Variants in PATJ observed in about 807,000 individuals in gnomAD.
PATJ encodes the protein PATJ crumbs cell polarity complex component.
Under a neutral mutation model 224.9 loss-of-function variants are expected in PATJ, and 190 were observed. The observed-to-expected ratio is 0.84, with a 90% CI of 0.75 to 0.95. The LOEUF (loss-of-function observed/expected upper bound fraction) is 0.95, where lower values mean the gene tolerates loss of function less well. PATJ is among the 40% of genes least tolerant of loss of function. PATJ has a pLI of 0.00. For missense variants in PATJ, 2,121 were observed against 2,270.3 expected (o/e 0.93, Z 1.34); for synonymous variants, 769 against 820.3 (o/e 0.94, Z 1.07).
intron 33 of PATJ, chr1:62,100,193 A>G: frequency 1.8e-6 from 1 of 541,192 alleles, no homozygotes; most frequent in East Asian, 2.9e-5. Flanking sequence ...TGTGATGGGT[A>G]TTTTGGTTGT....
intron 33 of PATJ, among the ~76,000 whole-genome samples, chr1:62,090,090 CAG>C (rs1267380628): frequency 3.3e-5 from 5 of 152,162 alleles, no homozygotes; most frequent in Non-Finnish European, 7.3e-5. Context: ...GGAGCCAAGA[CAG>C]ACGGTTTCTG....
Position 61,783,238 on chromosome 1 carries a change from G to T in PATJ, c.850-4516G>T, listed in dbSNP as rs1041996198. 3.3e-5 allele frequency among the ~76,000 whole-genome samples: 5 copies of T among 152,172 alleles called. No homozygotes were observed. In the East Asian group the frequency reaches 9.6e-4, roughly 29 times the overall value. On this transcript the variant is annotated intron_variant, in intron 7 of 43. Coordinates refer to ENST00000642238, the MANE Select transcript of PATJ (RefSeq NM_001350145.3). ...CTGGGAATTTGAGTAGGATAGGATAGTTTCTTTAATTCCTTTAGGGAAACA... is the reference window on the plus strand; with the variant it reads ...CTGGGAATTTGAGTAGGATAGGATATTTTCTTTAATTCCTTTAGGGAAACA...
At chr1:61,980,196 G>T (rs984267816) in intron 27 of PATJ, among the ~76,000 whole-genome samples, 1 of 151,918 alleles carries the variant, frequency 6.6e-6, no homozygotes, top group Non-Finnish European at 1.5e-5. Context: ...GAAGCTGGAG[G>T]ATTGCTTGAG....
At position 61,801,561 on chromosome 1, in the gene PATJ, A is replaced by G. The variant is rs1300997465; in HGVS notation, c.1403-62A>G. On this transcript the variant is annotated intron_variant, in intron 11 of 43. Transcript: ENST00000642238. ...ATCTGCTCACTTAAATATAGTCCTC[A>G]ACAACTAATAATTCAAGTTAGCATT... 6 of 1,046,338 alleles carry G rather than the reference A, an allele frequency of 5.7e-6. No homozygotes were observed. In the East Asian group the frequency reaches 1.6e-4, roughly 28 times the overall value. The allele number at this position is 1,046,338 out of a possible 1,614,324, so 64.8% of individuals were successfully genotyped here.
At chr1:61,993,030 T>A (rs576633676) in intron 28 of PATJ, among the ~76,000 whole-genome samples, 78 of 152,294 alleles carry the variant, frequency 5.1e-4, no homozygotes, top group African/African-American at 1.7e-3. Flanking sequence ...TGACACTAGG[T>A]ACCTGGAGAC....
chr1:61,991,869 A>T (rs1427994290), intron 28 of PATJ: 1 of 312,912 alleles, frequency 3.2e-6, no homozygotes, highest in African/African-American at 2.3e-5. Flanking sequence ...AAATGATGAA[A>T]GTTAGAGCCA....
chr1:61,975,691 G>T (rs1438734802), intron 27 of PATJ, among the ~76,000 whole-genome samples: 2 of 151,996 alleles, frequency 1.3e-5, no homozygotes, highest in Non-Finnish European at 2.9e-5. Flanking sequence ...AAGCATTTCA[G>T]TATCTCTGCC....
chr1:62,127,793 G>T (rs1263933358), intron 39 of PATJ, among the ~76,000 whole-genome samples, 179 bp from the exon 40 acceptor site: 1 of 151,932 alleles, frequency 6.6e-6, no homozygotes, highest in Non-Finnish European at 1.5e-5. Context: ...GATAACAAGA[G>T]CGAAACTGAA....
intron 27 of PATJ, among the ~76,000 whole-genome samples, chr1:61,971,675 A>C (rs947760760): frequency 6.6e-6 from 1 of 151,928 alleles, no homozygotes. Flanking sequence ...TGAAGCTGTT[A>C]AAAGAAATAT....
At chr1:62,056,832 A>G (rs1490264568) in intron 31 of PATJ, among the ~76,000 whole-genome samples, 1 of 152,020 alleles carries the variant, frequency 6.6e-6, no homozygotes, top group African/African-American at 2.4e-5. Context: ...AGGTTACTAC[A>G]CTTTGTTTTT....
chr1:62,055,269 G>C lies in PATJ; in HGVS notation c.4125+4211G>C, dbSNP rs191810137. 2.5e-3 allele frequency among the ~76,000 whole-genome samples: 380 copies of C among 152,264 alleles called. 3 individuals are homozygous for C. Among genetic ancestry groups the C allele is most frequent in the Middle Eastern group, 0.014 (4 of 294 alleles). ...CAGAAAGCCTCATGATGTCCTGGTA[G>C]CTTGCTGACATCGGAGCTCAAGATC... On this transcript the variant is annotated intron_variant, in intron 31 of 43. Transcript: ENST00000642238.
intron 33 of PATJ, among the ~76,000 whole-genome samples, chr1:62,102,708 A>G (rs912727232): frequency 2.6e-5 from 4 of 151,888 alleles, no homozygotes; most frequent in Admixed American, 6.6e-5. Context: ...CCGAAAAAGC[A>G]CAATTAGCCA....
At position 61,970,330 on chromosome 1, in the gene PATJ, A is replaced by G. The variant is rs184112408; in HGVS notation, c.3671-19838A>G. 1.3e-3 allele frequency among the ~76,000 whole-genome samples: 192 copies of G among 152,122 alleles called. 1 individual carries two copies. The highest frequency in any genetic ancestry group is 2.3e-3 in the Admixed American group (35 of 15,268). ...ACGGGCAACCTCTCCCACTATCAATATCCTGCACCTGAGTACATCTGTTAT... is the reference window on the plus strand; with the variant it reads ...ACGGGCAACCTCTCCCACTATCAATGTCCTGCACCTGAGTACATCTGTTAT... On this transcript the variant is annotated intron_variant, in intron 27 of 43. Coordinates refer to ENST00000642238, the MANE Select transcript of PATJ (RefSeq NM_001350145.3).
chr1:62,090,008 T>C (rs1289825873), intron 33 of PATJ, among the ~76,000 whole-genome samples: 2 of 152,176 alleles, frequency 1.3e-5, no homozygotes, highest in Non-Finnish European at 2.9e-5. Flanking sequence ...TTTTGCTGTC[T>C]TTAGAGGAGT....
chr1:62,055,170 C>A (rs2148611721), intron 31 of PATJ, among the ~76,000 whole-genome samples: 1 of 152,204 alleles, frequency 6.6e-6, no homozygotes, highest in Non-Finnish European at 1.5e-5. Flanking sequence ...TTATTTATCC[C>A]AGATTTATAG....
At chr1:61,940,671 A>G (rs1677679994) in intron 27 of PATJ, among the ~76,000 whole-genome samples, 1 of 151,326 alleles carries the variant, frequency 6.6e-6, no homozygotes, top group African/African-American at 2.4e-5. Context: ...ACCTGAGATC[A>G]TGCCATTGCA....
intron 22 of PATJ, among the ~76,000 whole-genome samples, chr1:61,894,274 A>C (rs12131949): frequency 0.64 from 94,269 of 147,184 alleles, 30,234 homozygotes; most frequent in East Asian, 0.71. Flanking sequence ...AAAAAACACA[A>C]AAAAAAAACA....
In PATJ at chr1:62,161,161, C is replaced by CTTTTTTTTTTTTTTTTT. The variant is rs1558254425; in HGVS notation, c.*109_*110insTTTTTTTTTTTTTTTTT. The CTTTTTTTTTTTTTTTTT allele has an allele frequency of 1.1e-6, 1 of 872,080 alleles. No homozygotes were observed. The highest frequency in any genetic ancestry group is 1.7e-5 in the African/African-American group (1 of 58,922). The allele number at this position is 872,080 out of a possible 1,614,324, so 54.0% of individuals were successfully genotyped here. A position where few individuals can be genotyped will look rare whatever the true frequency, so the allele number is the denominator to read the frequency against. On this transcript the variant is annotated 3_prime_UTR_variant, in exon 44 of 44. Coordinates refer to ENST00000642238, the MANE Select transcript of PATJ (RefSeq NM_001350145.3). The stretch of plus-strand genomic sequence containing the variant: ...CCCTCAACTAAAATGCACCTTCATT[C>CTTTTTTTTTTTTTTTTT]TTATTTCTTGCCCTCTCTGCTCAGG...
intron 34 of PATJ, among the ~76,000 whole-genome samples, chr1:62,110,418 T>C (rs1423103500): frequency 6.6e-6 from 1 of 152,198 alleles, no homozygotes; most frequent in Non-Finnish European, 1.5e-5. Flanking sequence ...ATCAGCACTT[T>C]CCCAAACAAT....
Sources: gnomAD v4.1 joint callset for allele counts (sites outside exome capture counted in the v4.1 genomes callset) on GRCh38, gnomAD v4.1.1 for gene constraint, MANE v1.5 for transcripts, NCBI Gene and HGNC (gene_info 2026-07-23, HGNC 2026-07-21) for gene names.